The following RASGRP3 variants were observed in gnomAD, a reference collection of about 807,000 sequenced individuals.
RASGRP3 encodes the protein RAS guanyl releasing protein 3, also known as ras guanyl-releasing protein 3.
In RASGRP3, 54 loss-of-function variants were observed where a neutral mutation model predicts 82.7. The observed-to-expected ratio is 0.65, with a 90% CI of 0.52 to 0.82. The LOEUF is 0.82. Ranked by LOEUF, RASGRP3 falls within the 40% of genes least tolerant of loss-of-function variation. RASGRP3 has a pLI of 0.00. For missense variants in RASGRP3, 861 were observed against 828.9 expected, an observed-to-expected ratio of 1.04 and a Z score of -0.48; for synonymous variants, 309 against 300.5, an observed-to-expected ratio of 1.03 and a Z score of -0.29.
chr2:33,494,060 CCTTT>C (rs757013026), intron 1 of RASGRP3, among the ~76,000 whole-genome samples: 1 of 152,152 alleles, frequency 6.6e-6, no homozygotes, highest in African/African-American at 2.4e-5. Flanking sequence ...GGAATATTTT[CCTTT>C]CTTTTACTAA....
chr2:33,555,234 G>A (rs1021893063), intron 14 of RASGRP3: 1 of 243,324 alleles, frequency 4.1e-6, no homozygotes, highest in Admixed American at 5.4e-5. Flanking sequence ...CATCTCCTCT[G>A]TACATTTTGC....
intron 17 of RASGRP3, among the ~76,000 whole-genome samples, chr2:33,561,456 A>C (rs542938812): frequency 2.0e-5 from 3 of 152,350 alleles, no homozygotes; most frequent in Non-Finnish European, 2.9e-5. Context: ...GTATGCTCTT[A>C]TATGAAATGC....
chr2:33,526,069 C>T (rs1672534457), intron 9 of RASGRP3, among the ~76,000 whole-genome samples: 1 of 152,246 alleles, frequency 6.6e-6, no homozygotes, highest in Non-Finnish European at 1.5e-5. Flanking sequence ...TTCAACTCTT[C>T]ACCCATAGAA....
rs1335308479 is a variant in RASGRP3, at chr2:33,454,109, CTTTGA to C, written c.-261+6170_-261+6174del. Among the ~76,000 whole-genome samples, 46 of 148,990 alleles carry C rather than the reference CTTTGA, an allele frequency of 3.1e-4. 1 individual carries two copies. Among genetic ancestry groups the C allele is most frequent in the Admixed American group, 2.9e-3 (43 of 14,956 alleles). On this transcript the variant is annotated intron_variant, in intron 2 of 18. Transcript: ENST00000402538. Reference sequence around the variant, plus strand: ...GAGAGGAGTGAGTCAATTCTTGTTACTTTGATTTAACACTGATGTCAAGTTCAAGA... The same window carrying C: ...GAGAGGAGTGAGTCAATTCTTGTTACTTTAACACTGATGTCAAGTTCAAGA...
At chr2:33,476,780 T>TGTGTGTGC (rs1667419637) in intron 1 of RASGRP3, 73 bp downstream of exon 1, 1 of 152,510 alleles carries the variant, frequency 6.6e-6, no homozygotes. Context: ...TGTGTGTGTG[T>TGTGTGTGC]GTGTGTGTGT....
Position 33,563,110 on chromosome 2 carries a change from C to T in RASGRP3, c.*373C>T, listed in dbSNP as rs925131728. On this transcript the variant is annotated 3_prime_UTR_variant, in exon 18 of 18. Coordinates refer to ENST00000403687, the MANE Select transcript of RASGRP3 (RefSeq NM_001139488.2). The stretch of plus-strand genomic sequence containing the variant: ...ACTTCGCTTTTTTTGTGAGACTATC[C>T]TTTCAATATTTTTATAAACTTTTGT... 2 of 230,820 alleles carry T rather than the reference C, an allele frequency of 8.7e-6. No homozygotes were observed. Among genetic ancestry groups the T allele is most frequent in the African/African-American group, 2.3e-5 (1 of 44,348 alleles). 14.3% of individuals were successfully genotyped at this position (230,820 alleles called of 1,614,324 possible).
intron 1 of RASGRP3, chr2:33,482,027 T>A (rs1192411442): frequency 4.0e-5 from 6 of 150,874 alleles, no homozygotes; most frequent in Non-Finnish European, 5.9e-5. Context: ...ATTTTTTTTT[T>A]TTTTGAGATG....
intron 15 of RASGRP3, among the ~76,000 whole-genome samples, chr2:33,555,964 A>T (rs573677658): frequency 6.6e-6 from 1 of 152,322 alleles, no homozygotes; most frequent in South Asian, 2.1e-4. Context: ...TCCTTTCTCT[A>T]CTAAATCACA....
At chr2:33,549,581 C>G in intron 13 of RASGRP3, 23 bp from the exon 14 acceptor site, 1 of 1,600,788 alleles carries the variant, frequency 6.2e-7, no homozygotes, top group Non-Finnish European at 8.5e-7. Flanking sequence ...AAGATTCCCT[C>G]CCTTCTTTGA....
chr2:33,512,648 TA>T (rs1671039109), intron 2 of RASGRP3, among the ~76,000 whole-genome samples: 1 of 152,198 alleles, frequency 6.6e-6, no homozygotes, highest in Non-Finnish European at 1.5e-5. Flanking sequence ...AAAAGTCTCT[TA>T]AAAATGTATG....
At chr2:33,503,598 T>TTC (rs1670080915) in intron 1 of RASGRP3, among the ~76,000 whole-genome samples, 1 of 152,034 alleles carries the variant, frequency 6.6e-6, no homozygotes, top group Non-Finnish European at 1.5e-5. Context: ...CACACTTTTT[T>TTC]TTTTGGTTCC....
chr2:33,464,112 T>C (rs1666542627), intron 2 of RASGRP3, among the ~76,000 whole-genome samples: 1 of 137,476 alleles, frequency 7.3e-6, no homozygotes, highest in African/African-American at 2.8e-5. Flanking sequence ...ATAATAATAA[T>C]TATTATTATT....
At chr2:33,549,531 G>A (rs1218799332) in intron 13 of RASGRP3, 73 bp from the exon 14 acceptor site, 3 of 1,421,646 alleles carry the variant, frequency 2.1e-6, no homozygotes, top group Admixed American at 2.1e-5. Flanking sequence ...TGGGAGGTGG[G>A]TGATTAAAGT....
intron 1 of RASGRP3, among the ~76,000 whole-genome samples, chr2:33,444,181 C>G (rs1665382016): frequency 6.6e-6 from 1 of 151,932 alleles, no homozygotes; most frequent in African/African-American, 2.4e-5. Context: ...TGGTGCATGC[C>G]TGTAGTCCTA....
At chr2:33,530,541 G>T (rs1673019581) in intron 10 of RASGRP3, among the ~76,000 whole-genome samples, 2 of 130,010 alleles carry the variant, frequency 1.5e-5, no homozygotes, top group Non-Finnish European at 3.1e-5. Flanking sequence ...AAGAAACTGA[G>T]ATTTACAAAG....
chr2:33,548,125 G>C (rs1225261561), intron 13 of RASGRP3, among the ~76,000 whole-genome samples: 1 of 152,134 alleles, frequency 6.6e-6, no homozygotes, highest in Non-Finnish European at 1.5e-5. Context: ...ACTTTGGGAG[G>C]CCGAGGCGGG....
intron 1 of RASGRP3, among the ~76,000 whole-genome samples, chr2:33,477,937 G>C (rs954862052): frequency 3.9e-5 from 6 of 152,128 alleles, no homozygotes; most frequent in Non-Finnish European, 8.8e-5. Flanking sequence ...CCTGGAGTGC[G>C]CTTGTTTCCT....
rs961485109 is a variant in RASGRP3 at position 33,539,058 on chromosome 2, A to C, written c.1162-36A>C. 3 of 1,379,082 alleles carry C rather than the reference A, an allele frequency of 2.2e-6. No individual in the cohort carries two copies. In the African/African-American group the frequency reaches 4.4e-5, roughly 20 times the overall value. 85.4% of individuals were successfully genotyped at this position (1,379,082 alleles called of 1,614,324 possible). A position where few individuals can be genotyped will look rare whatever the true frequency, so the allele number is the denominator to read the frequency against. ...TGTCTCAAAATAATAATAATAATAA[A>C]GTTGAAAAATATGTGGTTTTTTTTT... On this transcript the variant is annotated intron_variant, in intron 11 of 17. Transcript: ENST00000403687.
At chr2:33,471,670 G>A (rs749312478), upstream of RASGRP3, among the ~76,000 whole-genome samples, 22 of 151,926 alleles carry the variant, frequency 1.4e-4, no homozygotes, top group Non-Finnish European at 2.9e-4. Flanking sequence ...GAACTTGATT[G>A]TGTAAGTAAT....
Sources: allele counts gnomAD v4.1 joint callset (sites outside exome capture counted in the v4.1 genomes callset), GRCh38; gene constraint gnomAD v4.1.1; transcripts MANE v1.5; gene names NCBI Gene and HGNC (gene_info 2026-07-23, HGNC 2026-07-21).